PARL: variants seen among roughly 807,000 people sequenced by gnomAD.
PARL encodes the protein presenilin-associated rhomboid-like protein, mitochondrial.
Under a neutral mutation model 51.6 loss-of-function variants are expected in PARL, and 44 were observed. The ratio of observed to expected loss-of-function variants is 0.85; its 90% CI spans 0.67 to 1.10. The LOEUF (loss-of-function observed/expected upper bound fraction) is 1.10. PARL is among the 50% of genes least tolerant of loss of function. The pLI, the probability that PARL is intolerant of heterozygous loss-of-function variation, is 0.00. For missense variants in PARL, 441 were observed against 469.5 expected (o/e 0.94, Z 0.56); for synonymous variants, 172 against 164.0 (o/e 1.05, Z -0.37).
At chr3:183,833,171 A>C (rs1296360219) in intron 9 of PARL, among the ~76,000 whole-genome samples, 2 of 152,170 alleles carry the variant, frequency 1.3e-5, no homozygotes, top group Non-Finnish European at 2.9e-5. Context: ...TCTGAAGGGG[A>C]AAAAGAAGAT....
intron 5 of PARL, chr3:183,843,213 G>A: frequency 2.0e-6 from 2 of 985,012 alleles, no homozygotes; most frequent in Non-Finnish European, 2.4e-6. Flanking sequence ...GTGACAAAAA[G>A]CTGTCTTAAT....
intron 4 of PARL, among the ~76,000 whole-genome samples, chr3:183,845,479 G>A (rs981205571): frequency 1.2e-4 from 18 of 152,068 alleles, no homozygotes; most frequent in African/African-American, 4.1e-4. Context: ...AAATTTTACT[G>A]CATTTTGTTG....
intron 4 of PARL, among the ~76,000 whole-genome samples, chr3:183,846,099 C>T (rs1017084735): frequency 1.2e-4 from 19 of 152,056 alleles, no homozygotes; most frequent in Non-Finnish European, 2.5e-4. Context: ...ACACACAGCA[C>T]ACCCAGCTTC....
rs1193692887 is a variant in PARL at position 183,829,645 on chromosome 3, G to C, written c.1093C>G (p.His365Asp). Reference sequence around the variant, plus strand: ...TTGGGGCCATTAGTCCTTATTTCATGCCAGATTTTCACTAGCGGCTCCCTG... The same window carrying C: ...TTGGGGCCATTAGTCCTTATTTCATCCCAGATTTTCACTAGCGGCTCCCTG... ...KNREPLVKIW[H>D]EIRTNGPKKG... Residue 365 changes from histidine (H) to aspartate (D), a missense_variant, in exon 10 of 10, where the codon CAT (histidine) becomes GAT (aspartate). His to Asp is a moderately conservative substitution (Grantham distance 81). Coordinates refer to ENST00000317096, the MANE Select transcript of PARL (RefSeq NM_018622.7). 3.1e-6 allele frequency: 5 copies of C among 1,614,126 alleles called. No individual in the cohort carries two copies. Among genetic ancestry groups the C allele is most frequent in the Non-Finnish European group, 4.2e-6 (5 of 1,180,018 alleles).
intron 4 of PARL, among the ~76,000 whole-genome samples, chr3:183,854,464 A>C (rs1035370624): frequency 6.6e-6 from 1 of 152,206 alleles, no homozygotes; most frequent in Non-Finnish European, 1.5e-5. Context: ...CCTTGTGGAC[A>C]TTATGAAATA....
At chr3:183,849,593 T>C (rs966352703) in intron 4 of PARL, among the ~76,000 whole-genome samples, 2 of 151,582 alleles carry the variant, frequency 1.3e-5, no homozygotes, top group African/African-American at 2.4e-5. Flanking sequence ...CTTAAGAAAG[T>C]GTAGAGAGGA....
At chr3:183,869,381 T>C (rs1732903713) in intron 1 of PARL, among the ~76,000 whole-genome samples, 1 of 152,118 alleles carries the variant, frequency 6.6e-6, no homozygotes. Context: ...CTAATTTTTG[T>C]ATTTTTAGTA....
intron 6 of PARL, among the ~76,000 whole-genome samples, chr3:183,841,988 T>C (rs1160783124): frequency 6.6e-6 from 1 of 152,134 alleles, no homozygotes; most frequent in African/African-American, 2.4e-5. Flanking sequence ...ACTAATGAAA[T>C]CAAGGCCCGA....
At chr3:183,834,047 G>A (rs541621738) in intron 7 of PARL, among the ~76,000 whole-genome samples, 9 of 152,278 alleles carry the variant, frequency 5.9e-5, no homozygotes, top group Admixed American at 3.3e-4. Context: ...TTTTTACTAC[G>A]GGGCAGTAAG....
rs756854544 is a variant in PARL, at chr3:183,833,511, C to A, written c.1009G>T (p.Gly337Trp). The A allele has an allele frequency of 1.1e-5, 18 of 1,611,190 alleles. No homozygotes were observed. Among genetic ancestry groups the A allele is most frequent in the Non-Finnish European group, 1.5e-5 (18 of 1,177,308 alleles). ...WKFFDHAAHL[G>W]GALFGIWYVT... ...ACTTACATTCCAAAAAGAGCTCCCC[C>A]AAGATGTGCCGCATGATCAAAAAAT... Residue 337 changes from glycine (G) to tryptophan (W), a missense_variant, in exon 9 of 10, where the codon GGG (glycine) becomes TGG (tryptophan). Physicochemically the swap from Gly to Trp is radical, Grantham distance 184. Coordinates refer to ENST00000317096, the MANE Select transcript of PARL (RefSeq NM_018622.7).
At chr3:183,880,234 G>C (rs1734289766) in intron 1 of PARL, among the ~76,000 whole-genome samples, 1 of 152,168 alleles carries the variant, frequency 6.6e-6, no homozygotes, top group South Asian at 2.1e-4. Context: ...GGATGGGAAA[G>C]AGGGTCCCTT....
At chr3:183,828,710 T>A (rs980252784), downstream of PARL, among the ~76,000 whole-genome samples, 8 of 152,154 alleles carry the variant, frequency 5.3e-5, no homozygotes, top group African/African-American at 1.9e-4. Flanking sequence ...CTGAGTCCGA[T>A]CGGCCACAGG....
intron 1 of PARL, among the ~76,000 whole-genome samples, chr3:183,878,614 C>T (rs1235611033): frequency 6.6e-6 from 1 of 152,108 alleles, no homozygotes; most frequent in Non-Finnish European, 1.5e-5. Flanking sequence ...TGTAAGACCT[C>T]CCCAGGTGAT....
At chr3:183,879,410 T>C (rs1170693467) in intron 1 of PARL, among the ~76,000 whole-genome samples, 1 of 152,210 alleles carries the variant, frequency 6.6e-6, no homozygotes, top group East Asian at 1.9e-4. Flanking sequence ...CCCCAAGAGC[T>C]GCTGGCAGCC....
rs199917712 is a variant in PARL, at chr3:183,868,018, T to A, written c.168A>T (p.Ala56=). 2 of 1,614,102 alleles carry A rather than the reference T, an allele frequency of 1.2e-6. No individual in the cohort carries two copies. The highest frequency in any genetic ancestry group is 1.3e-5 in the African/African-American group (1 of 74,938). The part of the protein sequence containing the change: ...FIQQKCGFRK[A]PRKVEPRRSD... ...ATCTTCGAGGTTCAACCTTCCTGGG[T>A]GCTTTTCTGAATCCGCATTTTTGTT... Residue 56 remains alanine (A), a synonymous_variant, in exon 2 of 10, where the codon GCA becomes GCT. Coordinates refer to ENST00000317096, the MANE Select transcript of PARL (RefSeq NM_018622.7).
chr3:183,842,111 CA>C (rs1729388616), intron 6 of PARL, among the ~76,000 whole-genome samples, 186 bp downstream of exon 6: 1 of 152,152 alleles, frequency 6.6e-6, no homozygotes, highest in African/African-American at 2.4e-5. Context: ...AAGAAATCAG[CA>C]AAATGAACAG....
intron 4 of PARL, among the ~76,000 whole-genome samples, chr3:183,860,107 T>C (rs1577347142): frequency 6.7e-6 from 1 of 149,526 alleles, no homozygotes; most frequent in South Asian, 2.1e-4. Flanking sequence ...AGAAAGAAAG[T>C]GGGACGGAGT....
At chr3:183,880,493 C>G (rs975092076) in intron 1 of PARL, among the ~76,000 whole-genome samples, 2 of 152,068 alleles carry the variant, frequency 1.3e-5, no homozygotes, top group African/African-American at 4.8e-5. Context: ...CCTCCGCTTC[C>G]CGGGTTCAGG....
intron 7 of PARL, among the ~76,000 whole-genome samples, chr3:183,837,090 T>C (rs894819616): frequency 2.0e-5 from 3 of 152,232 alleles, no homozygotes; most frequent in East Asian, 3.8e-4. Context: ...ATCATACTTA[T>C]GTTTTTTAAC....
Sources: allele counts gnomAD v4.1 joint callset (sites outside exome capture counted in the v4.1 genomes callset), GRCh38; gene constraint gnomAD v4.1.1; transcripts MANE v1.5; gene names NCBI Gene and HGNC (gene_info 2026-07-23, HGNC 2026-07-21).